TLN2: variants seen among roughly 807,000 people sequenced by gnomAD.
TLN2 encodes talin-2.
Under a neutral mutation model 294.7 loss-of-function variants are expected in TLN2, and 118 were observed. That is an observed-to-expected ratio of 0.40 (90% confidence interval 0.34 to 0.47). TLN2 has a LOEUF of 0.47. Among genes scored for constraint, TLN2 ranks in the 20% least tolerant of loss-of-function variants. The probability of loss-of-function intolerance (pLI) is 0.84; values close to 1 mark genes in which losing one functional copy is unlikely to be tolerated. For synonymous variants in TLN2, 1,431 were observed against 1,304.5 expected, an observed-to-expected ratio of 1.10 and a Z score of -2.09; for missense variants, 3,083 against 3,282.2, an observed-to-expected ratio of 0.94 and a Z score of 1.48.
At chr15:62,706,513 T>C (rs2059082139) in intron 19 of TLN2, among the ~76,000 whole-genome samples, 1 of 152,252 alleles carries the variant, frequency 6.6e-6, no homozygotes, top group South Asian at 2.1e-4. Context: ...ATTTCTTGGC[T>C]CTTGAGCTAT....
In TLN2 at chr15:62,766,433, C is replaced by G. The variant is rs757717119; in HGVS notation, c.5196+11C>G. On this transcript the variant is annotated intron_variant, in intron 41 of 58. Coordinates refer to ENST00000636159, the MANE Select transcript of TLN2 (RefSeq NM_015059.3). ...CAGCTGGGACATAAGGTAATGCACA[C>G]CGAGGGGATCCTGCGAGGGTGTGCG... The G allele has an allele frequency of 6.3e-7, 1 of 1,598,230 alleles. No individual in the cohort carries two copies. The highest frequency in any genetic ancestry group is 1.1e-5 in the South Asian group (1 of 90,650).
At chr15:62,587,189 C>T (rs1054367896) in intron 1 of TLN2, among the ~76,000 whole-genome samples, 40 of 152,076 alleles carry the variant, frequency 2.6e-4, no homozygotes, top group Non-Finnish European at 2.9e-5. Flanking sequence ...CATGTGTGCA[C>T]GAATGTCAGT....
At chr15:62,579,396 G>A (rs1221101308) in intron 1 of TLN2, among the ~76,000 whole-genome samples, 1 of 152,198 alleles carries the variant, frequency 6.6e-6, no homozygotes, top group Non-Finnish European at 1.5e-5. Context: ...TTTATGGAAA[G>A]TGAGTATTCC....
In TLN2 at chr15:62,456,475, T is replaced by G. The variant is rs76163148; in HGVS notation, c.-238+65790T>G. ...TGGGTGTGCGTCTTGTGCAGGCGAC[T>G]TTGAATTTGACACCTCTGTCACATA... is the stretch of plus-strand genomic sequence containing the variant. On this transcript the variant is annotated intron_variant, in intron 1 of 58. Transcript: ENST00000636159. Among the ~76,000 whole-genome samples the G allele has an allele frequency of 7.9e-3, 1,196 of 152,282 alleles. 18 individuals are homozygous for G. The highest frequency in any genetic ancestry group is 0.026 in the African/African-American group (1,089 of 41,558).
chr15:62,436,732 AT>A (rs918442654), intron 1 of TLN2, among the ~76,000 whole-genome samples: 2 of 151,870 alleles, frequency 1.3e-5, no homozygotes, highest in African/African-American at 2.4e-5. Flanking sequence ...TTATTTATTT[AT>A]TTTTTTTAGA....
intron 51 of TLN2, among the ~76,000 whole-genome samples, chr15:62,808,681 G>A (rs146118685): frequency 2.2e-3 from 337 of 152,332 alleles, no homozygotes; most frequent in Admixed American, 7.1e-3. Flanking sequence ...TCTTCCCGCA[G>A]TGGTGTCTCA....
In TLN2 at chr15:62,414,571, C is replaced by A. The variant is rs1218173247; in HGVS notation, c.-238+23886C>A. 2.1e-5 allele frequency among the ~76,000 whole-genome samples: 3 copies of A among 140,882 alleles called. 1 individual carries two copies. Among genetic ancestry groups the A allele is most frequent in the East Asian group, 7.0e-4 (2 of 2,838 alleles). The allele number at this position is 140,882 out of a possible 152,430, so 92.4% of individuals were successfully genotyped here. On this transcript the variant is annotated intron_variant, in intron 1 of 58. Transcript: ENST00000636159. ...TCAGGAACCGTTGTTTTAACAAGTT[C>A]TCAGGGGTGTTCTGCACACAGAGGT...
rs146680821 is a variant in TLN2 at position 62,802,483 on chromosome 15, A to C, written c.6477+1714A>C. 6.1e-3 allele frequency among the ~76,000 whole-genome samples: 935 copies of C among 152,250 alleles called. 12 individuals carry two copies. The highest frequency in any genetic ancestry group is 0.021 in the African/African-American group (853 of 41,544). ...ATATCTGCACTCCCATGTTTATTGCAGTTTACTTCATATATATGATCTTGG... is the reference window on the plus strand; with the variant it reads ...ATATCTGCACTCCCATGTTTATTGCCGTTTACTTCATATATATGATCTTGG... On this transcript the variant is annotated intron_variant, in intron 50 of 58. Coordinates refer to ENST00000636159, the MANE Select transcript of TLN2 (RefSeq NM_015059.3).
At chr15:62,416,478 C>G (rs530963478) in intron 1 of TLN2, among the ~76,000 whole-genome samples, 1 of 152,118 alleles carries the variant, frequency 6.6e-6, no homozygotes, top group Non-Finnish European at 1.5e-5. Context: ...AAATATTGCT[C>G]TTTTGTGTAG....
intron 1 of TLN2, among the ~76,000 whole-genome samples, chr15:62,492,553 A>G (rs914623555): frequency 7.3e-5 from 11 of 151,372 alleles, no homozygotes; most frequent in South Asian, 4.1e-4. Flanking sequence ...CAAAAAAAAA[A>G]AAAAAAAGAA....
At chr15:62,692,315 G>T (rs2057990257) in intron 12 of TLN2, among the ~76,000 whole-genome samples, 1 of 152,180 alleles carries the variant, frequency 6.6e-6, no homozygotes, top group South Asian at 2.1e-4. Flanking sequence ...TGTGGCTGCT[G>T]CAGCAAAAGG....
chr15:62,699,828 C>T (rs1440580179), intron 16 of TLN2, among the ~76,000 whole-genome samples: 1 of 152,188 alleles, frequency 6.6e-6, no homozygotes, highest in Non-Finnish European at 1.5e-5. Context: ...CCAGTTCTGA[C>T]CAAATAAATC....
intron 28 of TLN2, 43 bp from the exon 29 acceptor site, chr15:62,736,835 T>C: frequency 1.2e-6 from 2 of 1,601,016 alleles, no homozygotes; most frequent in Non-Finnish European, 1.7e-6. Context: ...ATGTGCCATT[T>C]AGATGGAGTC....
chr15:62,534,526 G>C (rs1387969086), intron 1 of TLN2, among the ~76,000 whole-genome samples: 1 of 152,210 alleles, frequency 6.6e-6, no homozygotes, highest in Non-Finnish European at 1.5e-5. Flanking sequence ...CCAAGAACCT[G>C]CATGTGTTCA....
chr15:62,813,096 A>G (rs2066819362), intron 52 of TLN2, among the ~76,000 whole-genome samples: 1 of 152,158 alleles, frequency 6.6e-6, no homozygotes, highest in African/African-American at 2.4e-5. Flanking sequence ...AGTGACCACT[A>G]CTTTCTTTGC....
intron 48 of TLN2, 58 bp downstream of exon 48, chr15:62,797,460 G>A (rs984602287): frequency 4.8e-5 from 73 of 1,508,606 alleles, no homozygotes; most frequent in South Asian, 6.5e-5. Context: ...GCTGCACATC[G>A]GGCCTCAGAA....
intron 9 of TLN2, among the ~76,000 whole-genome samples, chr15:62,664,049 C>T (rs1054489630): frequency 1.3e-5 from 2 of 151,906 alleles, no homozygotes; most frequent in East Asian, 1.9e-4. Flanking sequence ...TAAAACACTA[C>T]ATTAGTATCA....
chr15:62,714,503 C>T (rs955521830), intron 22 of TLN2, among the ~76,000 whole-genome samples: 21 of 151,906 alleles, frequency 1.4e-4, no homozygotes, highest in African/African-American at 5.1e-4. Flanking sequence ...CGCCCAGCCA[C>T]GTTTTGTTTC....
rs550601525 is a variant in TLN2 at position 62,680,070 on chromosome 15, A to G, written c.957+4749A>G. On this transcript the variant is annotated intron_variant, in intron 11 of 58. Transcript: ENST00000636159. ...TCTGCTAATCACACTGTCGTGATCA[A>G]CTTTAGCTATAAAGTAAGCCCTAAC... Among the ~76,000 whole-genome samples the G allele has an allele frequency of 4.6e-5, 7 of 152,302 alleles. No individual in the cohort carries two copies. The South Asian group carries it at 6.2e-4, about 14-fold the overall frequency.
Sources: allele counts gnomAD v4.1 joint callset (sites outside exome capture counted in the v4.1 genomes callset), GRCh38; gene constraint gnomAD v4.1.1; transcripts MANE v1.5; gene names NCBI Gene and HGNC (gene_info 2026-07-23, HGNC 2026-07-21).